TENT4B: variants seen among roughly 807,000 people sequenced by gnomAD.
TENT4B encodes the protein terminal nucleotidyltransferase 4B.
A neutral mutation model predicts 75.0 loss-of-function variants in TENT4B; 10 were observed. The ratio of observed to expected loss-of-function variants is 0.13; its 90% CI spans 0.08 to 0.23. The LOEUF (loss-of-function observed/expected upper bound fraction) is 0.23, where lower values mean the gene tolerates loss of function less well. Among genes scored for constraint, TENT4B ranks in the 10% least tolerant of loss-of-function variants. The pLI is 1.00. For synonymous variants in TENT4B, 350 were observed against 357.7 expected (o/e 0.98, Z 0.24); for missense variants, 579 against 893.8 (o/e 0.65, Z 4.49).
At chr16:50,155,272 G>GGTGGGTGTGTGTGT (rs1555506870) in intron 1 of TENT4B, among the ~76,000 whole-genome samples, 28 of 135,480 alleles carry the variant, frequency 2.1e-4, no homozygotes, top group Non-Finnish European at 2.2e-4. Context: ...GGGTCTCGTG[G>GGTGGGTGTGTGTGT]GTGTGTGTGT....
chr16:50,191,309 C>A (rs983511154), intron 1 of TENT4B, among the ~76,000 whole-genome samples: 1 of 152,114 alleles, frequency 6.6e-6, no homozygotes, highest in Non-Finnish European at 1.5e-5. Flanking sequence ...ACAGCTGTAC[C>A]ATTGTACATT....
intron 1 of TENT4B, among the ~76,000 whole-genome samples, chr16:50,181,327 CT>C (rs1160792279): frequency 2.0e-3 from 290 of 143,944 alleles, no homozygotes; most frequent in African/African-American, 2.6e-3. Context: ...TGGATTTGAA[CT>C]TTTTTTTTTT....
chr16:50,169,440 T>C (rs995494759), intron 1 of TENT4B, among the ~76,000 whole-genome samples: 8 of 144,456 alleles, frequency 5.5e-5, no homozygotes, highest in African/African-American at 2.0e-4. Flanking sequence ...AATGGTGGTG[T>C]GTACATCTCT....
At chr16:50,172,508 CT>C (rs35688042) in intron 1 of TENT4B, among the ~76,000 whole-genome samples, 3,596 of 143,678 alleles carry the variant, frequency 0.025, 147 homozygotes, top group African/African-American at 0.083. Context: ...GAATTTATTA[CT>C]TTTTTTTTTT....
At chr16:50,212,055 CTAAG>C (rs1200136585) in intron 2 of TENT4B, among the ~76,000 whole-genome samples, 2 of 152,024 alleles carry the variant, frequency 1.3e-5, no homozygotes, top group Admixed American at 1.3e-4. Context: ...GTTACTGGTA[CTAAG>C]TCTTTTGTTT....
At position 50,231,715 on chromosome 16, in the gene TENT4B, T is replaced by C; in HGVS notation, c.*2387T>C. 1.0e-6 allele frequency: 1 copy of C among 985,830 alleles called. No individual in the cohort carries two copies. The highest frequency in any genetic ancestry group is 1.2e-6 in the Non-Finnish European group (1 of 829,880). 61.1% of individuals were successfully genotyped at this position (985,830 alleles called of 1,614,324 possible). On this transcript the variant is annotated 3_prime_UTR_variant, in exon 12 of 12. Coordinates refer to ENST00000561678, the MANE Select transcript of TENT4B (RefSeq NM_001365324.3). ...AAAGCATGAAGGAGAAATTGAGGTG[T>C]GTATACATTTCCTCAAATGACCAGC...
intron 1 of TENT4B, among the ~76,000 whole-genome samples, chr16:50,185,244 G>C (rs549223213): frequency 1.3e-5 from 2 of 152,314 alleles, no homozygotes; most frequent in South Asian, 4.1e-4. Flanking sequence ...TACTAGCCTA[G>C]TAGGAATTTA....
intron 1 of TENT4B, among the ~76,000 whole-genome samples, chr16:50,166,487 T>C (rs1267374272): frequency 6.6e-6 from 1 of 152,248 alleles, no homozygotes; most frequent in Non-Finnish European, 1.5e-5. Context: ...CTAAAAATGT[T>C]GAATATCTTT....
rs188322963 is a variant in TENT4B at position 50,219,597 on chromosome 16, G to A, written c.1038+1934G>A. ...TTCCCAAAAGCAAAATTTTGAGGTC[G>A]AAGGGTATATCCAGATAAAATTCTG... On this transcript the variant is annotated intron_variant, in intron 5 of 11. Transcript: ENST00000561678. Among the ~76,000 whole-genome samples the A allele has an allele frequency of 4.6e-3, 701 of 152,178 alleles. 7 individuals carry two copies. Among genetic ancestry groups the A allele is most frequent in the Non-Finnish European group, 4.0e-3 (274 of 68,008 alleles).
At chr16:50,177,304 G>A (rs774663262) in intron 1 of TENT4B, among the ~76,000 whole-genome samples, 5 of 152,066 alleles carry the variant, frequency 3.3e-5, no homozygotes, top group Non-Finnish European at 5.9e-5. Flanking sequence ...TGCCTGGCCC[G>A]AGATAATATC....
At chr16:50,170,393 T>C (rs536358814) in intron 1 of TENT4B, among the ~76,000 whole-genome samples, 40 of 152,356 alleles carry the variant, frequency 2.6e-4, no homozygotes, top group African/African-American at 9.1e-4. Flanking sequence ...ACAGCCTTCC[T>C]TATAGGAAGA....
At position 50,153,367 on chromosome 16, in the gene TENT4B, CGGCGGAGG is replaced by C. The variant is rs1265287952; in HGVS notation, c.-237_-230del. 4.3e-4 allele frequency among the ~76,000 whole-genome samples: 29 copies of C among 67,498 alleles called. No homozygotes were observed. The highest frequency in any genetic ancestry group is 7.7e-4 in the African/African-American group (14 of 18,066). 44.3% of individuals were successfully genotyped at this position (67,498 alleles called of 152,430 possible). A position where few individuals can be genotyped will look rare whatever the true frequency, so the allele number is the denominator to read the frequency against. ...CACGGGGACCCCAGTGACAGGGGCT[CGGCGGAGG>C]GGCGGAGGGGCGGAGGGAGGGGGGG... On this transcript the variant is annotated 5_prime_UTR_variant, in exon 1 of 12. Transcript: ENST00000561678.
At chr16:50,194,517 T>G (rs2030080332) in intron 1 of TENT4B, among the ~76,000 whole-genome samples, 1 of 151,670 alleles carries the variant, frequency 6.6e-6, no homozygotes, top group African/African-American at 2.4e-5. Context: ...GCCTGGCCAT[T>G]ATTTCTTTCT....
rs560254548 is a variant in TENT4B, at chr16:50,232,717, C to G, written c.*3389C>G. On this transcript the variant is annotated 3_prime_UTR_variant, in exon 12 of 12. Coordinates refer to ENST00000561678, the MANE Select transcript of TENT4B (RefSeq NM_001365324.3). Reference sequence around the variant, plus strand: ...AGGAGGTGTAGTTATTAAGGTTGATCTGTTAGAAATCACCATTATTAGGTA... The same window carrying G: ...AGGAGGTGTAGTTATTAAGGTTGATGTGTTAGAAATCACCATTATTAGGTA... 1.0e-6 allele frequency: 1 copy of G among 985,212 alleles called. No homozygotes were observed. The highest frequency in any genetic ancestry group is 4.7e-5 in the South Asian group (1 of 21,272). The allele number at this position is 985,212 out of a possible 1,614,324, so 61.0% of individuals were successfully genotyped here.
chr16:50,221,696 A>G (rs1384290477), intron 5 of TENT4B, among the ~76,000 whole-genome samples: 2 of 151,992 alleles, frequency 1.3e-5, no homozygotes, highest in Admixed American at 1.3e-4. Flanking sequence ...ACAAATGAAT[A>G]TTAGAGGGTC....
chr16:50,203,162 C>T (rs1442289058), intron 1 of TENT4B, among the ~76,000 whole-genome samples: 1 of 152,180 alleles, frequency 6.6e-6, no homozygotes. Context: ...CTGCAGCATT[C>T]ATAAAAGTAA....
intron 1 of TENT4B, among the ~76,000 whole-genome samples, chr16:50,196,488 TATCATCATC>T (rs10536148): frequency 4.7e-4 from 71 of 149,856 alleles, no homozygotes; most frequent in Non-Finnish European, 7.4e-4. Context: ...AGTTTATCAT[TATCATCATC>T]ATCATCATCA....
intron 1 of TENT4B, among the ~76,000 whole-genome samples, chr16:50,175,961 A>G (rs1336071542): frequency 6.6e-6 from 1 of 150,680 alleles, no homozygotes; most frequent in Non-Finnish European, 1.5e-5. Context: ...TTTTAAATTT[A>G]TTTTAGAGAC....
chr16:50,168,195 T>C (rs1034021264), intron 1 of TENT4B, among the ~76,000 whole-genome samples: 5 of 152,162 alleles, frequency 3.3e-5, no homozygotes, highest in African/African-American at 1.2e-4. Flanking sequence ...TTACATTCTT[T>C]AGCTATTTAT....
Sources: gnomAD v4.1 joint callset for allele counts (sites outside exome capture counted in the v4.1 genomes callset) on GRCh38, gnomAD v4.1.1 for gene constraint, MANE v1.5 for transcripts, NCBI Gene and HGNC (gene_info 2026-07-23, HGNC 2026-07-21) for gene names.